FRMD4B: variants seen among roughly 807,000 people sequenced by gnomAD.
FRMD4B encodes FERM domain-containing protein 4B.
A neutral mutation model predicts 141.5 loss-of-function variants in FRMD4B; 74 were observed. That is an observed-to-expected ratio of 0.52 (90% CI 0.43 to 0.63). FRMD4B has a LOEUF of 0.63. Among genes scored for constraint, FRMD4B ranks in the 30% least tolerant of loss-of-function variants. The probability of loss-of-function intolerance (pLI) is 0.00; values close to 1 mark genes in which losing one functional copy is unlikely to be tolerated. For missense variants in FRMD4B, 1,366 were observed against 1,253.4 expected (o/e 1.09, Z -1.36); for synonymous variants, 506 against 467.9 (o/e 1.08, Z -1.05).
At chr3:69,295,827 T>C (rs1345601777) in intron 4 of FRMD4B, among the ~76,000 whole-genome samples, 6 of 152,146 alleles carry the variant, frequency 3.9e-5, no homozygotes, top group South Asian at 2.1e-4. Context: ...CTTTCTTTTT[T>C]TCTTTTGGAG....
intron 10 of FRMD4B, among the ~76,000 whole-genome samples, chr3:69,217,316 G>A (rs191586468): frequency 5.9e-5 from 9 of 152,236 alleles, no homozygotes; most frequent in Admixed American, 5.2e-4. Flanking sequence ...ACCAGAGTCA[G>A]TAGAAATTAA....
chr3:69,464,978 G>A (rs980011432), intron 1 of FRMD4B, among the ~76,000 whole-genome samples: 5 of 152,128 alleles, frequency 3.3e-5, no homozygotes, highest in African/African-American at 1.2e-4. Context: ...AGGCTTTACA[G>A]ACATATCAAC....
In FRMD4B at chr3:69,183,177, C is replaced by T. The variant is rs184453247; in HGVS notation, c.1920-460G>A. Among the ~76,000 whole-genome samples the T allele has an allele frequency of 2.6e-5, 4 of 152,266 alleles. No individual in the cohort carries two copies. The East Asian group carries it at 7.7e-4, about 29-fold the overall frequency. ...ACTACTCAGCTCTGCCCTTTCAGTG[C>T]AAAAGCAGCCATGGATAATATGTAA... On this transcript the variant is annotated intron_variant, in intron 19 of 22. Transcript: ENST00000398540.
chr3:69,306,797 G>A (rs1008354900), intron 3 of FRMD4B: 3 of 152,170 alleles, frequency 2.0e-5, no homozygotes, highest in Admixed American at 2.0e-4. Flanking sequence ...GACAAAAGAC[G>A]CATGTGGCAT....
chr3:69,264,695 C>A (rs1002834382), intron 5 of FRMD4B, among the ~76,000 whole-genome samples: 1 of 152,096 alleles, frequency 6.6e-6, no homozygotes, highest in Non-Finnish European at 1.5e-5. Context: ...TAAATAATAT[C>A]TATGTAATAC....
chr3:69,481,370 T>C (rs1706122443), intron 1 of FRMD4B, among the ~76,000 whole-genome samples: 1 of 152,142 alleles, frequency 6.6e-6, no homozygotes. Context: ...CCTCTTATAT[T>C]TTTTCTTTGC....
intron 1 of FRMD4B, among the ~76,000 whole-genome samples, chr3:69,338,484 C>A (rs184826993): frequency 1.3e-5 from 2 of 152,224 alleles, no homozygotes; most frequent in East Asian, 3.9e-4. Flanking sequence ...CACATATACA[C>A]CATGGAATAT....
At position 69,269,554 on chromosome 3, in the gene FRMD4B, G is replaced by A. The variant is rs572226146; in HGVS notation, c.501+18198C>T. Among the ~76,000 whole-genome samples, 6 of 152,266 alleles carry A rather than the reference G, an allele frequency of 3.9e-5. No individual in the cohort carries two copies. The East Asian group carries it at 9.7e-4, about 25-fold the overall frequency. ...TCATGCATCAAGCCAAACTATGGAC[G>A]GTCTCTCCAAGGGGTGTATAAACAA... On this transcript the variant is annotated intron_variant, in intron 5 of 22. Transcript: ENST00000398540.
intron 2 of FRMD4B, among the ~76,000 whole-genome samples, chr3:69,430,386 T>C (rs1468202136): frequency 1.3e-5 from 2 of 152,174 alleles, no homozygotes; most frequent in African/African-American, 4.8e-5. Context: ...TGAGAGGCTG[T>C]TAATAGTTTC....
In FRMD4B at chr3:69,181,262, C is replaced by T. The variant is rs561236089; in HGVS notation, c.2488G>A (p.Glu830Lys). ...GAAGGGTTGACACTATACTGTCCCT[C>T]GGTGTCATTCTCATAGACATAACCA... ...SGGYVYENDTEGQYSVNPSYR... is the reference protein window; with the variant it reads ...SGGYVYENDTKGQYSVNPSYR... Residue 830 changes from glutamate (E) to lysine (K), a missense_variant, in exon 21 of 23, where the codon GAG becomes AAG. Coordinates refer to ENST00000398540, the MANE Select transcript of FRMD4B (RefSeq NM_015123.3). The T allele has an allele frequency of 5.1e-5, 83 of 1,613,168 alleles. No homozygotes were observed. The highest frequency in any genetic ancestry group is 3.3e-4 in the East Asian group (15 of 44,880).
At chr3:69,481,126 G>T (rs192893950) in intron 1 of FRMD4B, among the ~76,000 whole-genome samples, 1 of 152,240 alleles carries the variant, frequency 6.6e-6, no homozygotes, top group African/African-American at 2.4e-5. Context: ...CCCTTTCTTT[G>T]ACTAGGAAAG....
At chr3:69,182,429 T>A (rs985913627) in intron 20 of FRMD4B, among the ~76,000 whole-genome samples, 169 bp downstream of exon 20, 1 of 152,220 alleles carries the variant, frequency 6.6e-6, no homozygotes, top group African/African-American at 2.4e-5. Context: ...TCAAATACAT[T>A]TTCTTTGCCA....
intron 7 of FRMD4B, among the ~76,000 whole-genome samples, chr3:69,237,060 T>C (rs1475412439): frequency 6.6e-6 from 1 of 152,146 alleles, no homozygotes; most frequent in Non-Finnish European, 1.5e-5. Flanking sequence ...AATGCACAGA[T>C]GAGAGAAACA....
chr3:69,318,553 C>T (rs1299988476), intron 1 of FRMD4B, among the ~76,000 whole-genome samples: 3 of 152,130 alleles, frequency 2.0e-5, no homozygotes, highest in African/African-American at 4.8e-5. Context: ...GAGAGAAAAA[C>T]ACCAGGGTTA....
intron 1 of FRMD4B, among the ~76,000 whole-genome samples, chr3:69,341,434 T>A (rs778240452): frequency 6.6e-6 from 1 of 152,186 alleles, no homozygotes; most frequent in Non-Finnish European, 1.5e-5. Context: ...CCTCTGCACC[T>A]GGTTGTTGCT....
chr3:69,227,449 G>A (rs909444795), intron 7 of FRMD4B, among the ~76,000 whole-genome samples: 1 of 152,106 alleles, frequency 6.6e-6, no homozygotes. Flanking sequence ...GATCACCTGA[G>A]GTCAGGAGTT....
intron 1 of FRMD4B, among the ~76,000 whole-genome samples, chr3:69,441,594 C>T (rs1409125818): frequency 6.6e-6 from 1 of 152,190 alleles, no homozygotes; most frequent in Non-Finnish European, 1.5e-5. Context: ...CCACGATATA[C>T]TATAAGCTCC....
intron 1 of FRMD4B, among the ~76,000 whole-genome samples, chr3:69,338,676 C>A (rs1264921164): frequency 2.0e-5 from 3 of 151,964 alleles, no homozygotes; most frequent in Non-Finnish European, 4.4e-5. Context: ...ACACCGAGGC[C>A]TACTTGAGGG....
Position 69,181,436 on chromosome 3 carries a change from A to T in FRMD4B, c.2314T>A (p.Ser772Thr), listed in dbSNP as rs1205094164. ...GRRRSKKQNV[S>T]TSNSGSMPNL... is the part of the protein sequence containing the mutation. ...GGCATGCTTCCTGAATTTGAAGTAG[A>T]AACATTCTGTTTCTTTGACCTCCTC... Residue 772 changes from serine (S) to threonine (T), a missense_variant, in exon 21 of 23, where the codon TCT (serine) becomes ACT (threonine). Physicochemically the swap from Ser to Thr is moderately conservative, Grantham distance 58. Transcript: ENST00000398540. 1.9e-6 allele frequency: 3 copies of T among 1,613,818 alleles called. No homozygotes were observed. The African/African-American group carries it at 4.0e-5, about 22-fold the overall frequency.
Sources: allele counts gnomAD v4.1 joint callset (sites outside exome capture counted in the v4.1 genomes callset), GRCh38; gene constraint gnomAD v4.1.1; transcripts MANE v1.5; gene names NCBI Gene and HGNC (gene_info 2026-07-23, HGNC 2026-07-21).